The following CAPS2 variants were observed in gnomAD, a reference collection of about 807,000 sequenced individuals.
CAPS2 encodes calcyphosin-2.
A neutral mutation model predicts 86.5 loss-of-function variants in CAPS2; 98 were observed. That is an observed-to-expected ratio of 1.13 (90% confidence interval 0.96 to 1.34). The LOEUF (loss-of-function observed/expected upper bound fraction) is 1.34, where lower values mean the gene tolerates loss of function less well. Ranked by LOEUF, CAPS2 falls within the 40% of genes most tolerant of loss-of-function variation. CAPS2 has a pLI of 0.00. For synonymous variants in CAPS2, 210 were observed against 225.1 expected (o/e 0.93, Z 0.60); for missense variants, 729 against 686.8 (o/e 1.06, Z -0.69).
At chr12:75,381,741 A>T (rs1169105251) in intron 1 of CAPS2, among the ~76,000 whole-genome samples, 1 of 150,658 alleles carries the variant, frequency 6.6e-6, no homozygotes, top group African/African-American at 2.4e-5. Flanking sequence ...CAGCCTCCCG[A>T]GTAGCTGGGA....
chr12:75,279,346 T>C (rs1462132322), intron 16 of CAPS2, among the ~76,000 whole-genome samples: 1 of 151,826 alleles, frequency 6.6e-6, no homozygotes, highest in Non-Finnish European at 1.5e-5. Flanking sequence ...AACAGAGGAA[T>C]TGAAAGATGA....
exon 17 of CAPS2, chr12:75,277,692 A>G: frequency 1.1e-6 from 1 of 928,272 alleles, no homozygotes; most frequent in Non-Finnish European, 1.3e-6. Context: ...TGCCAAGTAT[A>G]GATGGATACA....
intron 14 of CAPS2, among the ~76,000 whole-genome samples, chr12:75,285,564 T>C (rs1305654399): frequency 6.6e-6 from 1 of 151,964 alleles, no homozygotes; most frequent in Non-Finnish European, 1.5e-5. Flanking sequence ...ATCCACTGTG[T>C]AATGAAAACT....
exon 17 of CAPS2, chr12:75,277,842 G>C: frequency 1.1e-6 from 1 of 903,302 alleles, no homozygotes; most frequent in Non-Finnish European, 1.3e-6. Context: ...TCTTTTCTCT[G>C]TATTCCCAGG....
downstream of CAPS2, chr12:75,276,598 A>C (rs2032978496): frequency 2.1e-6 from 2 of 961,346 alleles, no homozygotes; most frequent in Non-Finnish European, 2.5e-6. Flanking sequence ...TGTCCTTTCC[A>C]TTAAAAGTTA....
chr12:75,340,067 C>A (rs1244501741), intron 1 of CAPS2, among the ~76,000 whole-genome samples: 1 of 151,880 alleles, frequency 6.6e-6, no homozygotes, highest in African/African-American at 2.4e-5. Flanking sequence ...CAGGTTGCTG[C>A]AAATGCCATT....
At chr12:75,276,172 C>A, downstream of CAPS2, 2 of 1,523,844 alleles carry the variant, frequency 1.3e-6, no homozygotes, top group African/African-American at 1.4e-5. Flanking sequence ...TTTATATATG[C>A]CCATTACCTT....
chr12:75,328,872 A>G (rs2041032494), upstream of CAPS2, among the ~76,000 whole-genome samples: 1 of 152,218 alleles, frequency 6.6e-6, no homozygotes, highest in Non-Finnish European at 1.5e-5. Context: ...AAAGTGGTTA[A>G]CTTAGATATA....
chr12:75,306,294 G>A lies in CAPS2; in HGVS notation c.660-1418C>T, dbSNP rs1426958981. The A allele has an allele frequency of 2.8e-5, 17 of 605,330 alleles. No homozygotes were observed. The East Asian group carries it at 2.9e-4, about 10-fold the overall frequency. The allele number at this position is 605,330 out of a possible 1,614,324, so 37.5% of individuals were successfully genotyped here. ...TTCCGGATACTGGGAAGCTATGGAG[G>A]AGGCCAGAGCTCTGCGGGAGGCTAA... is the stretch of plus-strand genomic sequence containing the variant. On this transcript the variant is annotated intron_variant, in intron 7 of 16. Transcript: ENST00000393284.
intron 1 of CAPS2, among the ~76,000 whole-genome samples, chr12:75,375,336 A>G (rs1405836302): frequency 6.6e-6 from 1 of 152,096 alleles, no homozygotes; most frequent in African/African-American, 2.4e-5. Flanking sequence ...GACCACAATG[A>G]TGTTTTGGAT....
chr12:75,338,863 G>C (rs2041912871), intron 1 of CAPS2, among the ~76,000 whole-genome samples: 3 of 152,122 alleles, frequency 2.0e-5, no homozygotes, highest in Non-Finnish European at 4.4e-5. Flanking sequence ...TTGGTTTTCT[G>C]TTCCTGCATT....
chr12:75,370,243 C>T, intron 1 of CAPS2: 1 of 805,386 alleles, frequency 1.2e-6, no homozygotes, highest in South Asian at 1.5e-5. Context: ...CTTAATATAA[C>T]TTATCATCAC....
At chr12:75,286,864 T>C (rs917607536) in intron 14 of CAPS2, among the ~76,000 whole-genome samples, 1 of 151,744 alleles carries the variant, frequency 6.6e-6, no homozygotes, top group Non-Finnish European at 1.5e-5. Context: ...CATATTTTCA[T>C]AATATGTTCC....
chr12:75,316,162 A>G, intron 6 of CAPS2, 150 bp downstream of exon 6: 17 of 975,016 alleles, frequency 1.7e-5, no homozygotes, highest in Non-Finnish European at 2.5e-5. Context: ...TCAATCATTT[A>G]TAAAAATGAG....
chr12:75,326,859 T>A (rs2040832266), upstream of CAPS2, among the ~76,000 whole-genome samples: 1 of 152,052 alleles, frequency 6.6e-6, no homozygotes, highest in African/African-American at 2.4e-5. Context: ...ACCACCAGAA[T>A]CCTTGTAAGA....
chr12:75,385,554 G>T (rs1031972710), intron 1 of CAPS2, among the ~76,000 whole-genome samples: 1 of 152,116 alleles, frequency 6.6e-6, no homozygotes, highest in African/African-American at 2.4e-5. Flanking sequence ...CAGGAACAAG[G>T]CACAGATGCC....
At chr12:75,279,108 C>A in intron 16 of CAPS2, 43 bp from the exon 17 acceptor site, 1 of 1,401,644 alleles carries the variant, frequency 7.1e-7, no homozygotes, top group Non-Finnish European at 9.4e-7. Flanking sequence ...CTGAAAAGTT[C>A]AGTGAAATGA....
intron 9 of CAPS2, among the ~76,000 whole-genome samples, chr12:75,299,407 T>C (rs1236737553): frequency 6.6e-6 from 1 of 152,180 alleles, no homozygotes; most frequent in African/African-American, 2.4e-5. Context: ...TAGAATTATT[T>C]ATTACTGGAA....
At chr12:75,389,007 A>G (rs1321011297) in intron 1 of CAPS2, among the ~76,000 whole-genome samples, 1 of 152,208 alleles carries the variant, frequency 6.6e-6, no homozygotes, top group Non-Finnish European at 1.5e-5. Context: ...ACAAAACAAA[A>G]AAAACACAGA....
Sources: gnomAD v4.1 joint callset for allele counts (sites outside exome capture counted in the v4.1 genomes callset) on GRCh38, gnomAD v4.1.1 for gene constraint, MANE v1.5 for transcripts, NCBI Gene and HGNC (gene_info 2026-07-23, HGNC 2026-07-21) for gene names.